SEC63: variants seen among roughly 807,000 people sequenced by gnomAD.
The protein encoded by SEC63 is translocation protein SEC63 homolog.
Under a neutral mutation model 116.2 loss-of-function variants are expected in SEC63, and 56 were observed. The ratio of observed to expected loss-of-function variants is 0.48; its 90% CI spans 0.39 to 0.60. SEC63 has a LOEUF of 0.60. Among genes scored for constraint, SEC63 ranks in the 20% least tolerant of loss-of-function variants. The pLI, the probability that SEC63 is intolerant of heterozygous loss-of-function variation, is 0.00. For synonymous variants in SEC63, 273 were observed against 294.6 expected, an observed-to-expected ratio of 0.93 and a Z score of 0.75; for missense variants, 668 against 900.0, an observed-to-expected ratio of 0.74 and a Z score of 3.30.
chr6:107,922,139 T>C (rs2114477157), intron 3 of SEC63, among the ~76,000 whole-genome samples: 1 of 152,338 alleles, frequency 6.6e-6, no homozygotes, highest in Admixed American at 6.5e-5. Context: ...ACCTACTATG[T>C]GCCACATAGT....
chr6:107,942,936 G>A (rs1184287394), intron 1 of SEC63, among the ~76,000 whole-genome samples: 2 of 152,142 alleles, frequency 1.3e-5, no homozygotes, highest in Non-Finnish European at 2.9e-5. Context: ...ACTTTTTCTG[G>A]TATTATCATG....
intron 16 of SEC63, among the ~76,000 whole-genome samples, chr6:107,887,610 AG>A (rs1217976439): frequency 2.2e-5 from 3 of 138,266 alleles, no homozygotes; most frequent in Non-Finnish European, 4.7e-5. Context: ...GGGTGGGGGA[AG>A]GGGGGAGGGA....
intron 18 of SEC63, among the ~76,000 whole-genome samples, chr6:107,880,728 G>A (rs1311235781): frequency 6.6e-6 from 1 of 152,162 alleles, no homozygotes; most frequent in Non-Finnish European, 1.5e-5. Context: ...CATGTCGCCA[G>A]CAGGATCCTC....
At position 107,869,836 on chromosome 6, in the gene SEC63, T is replaced by G. The variant is rs907715366; in HGVS notation, c.*1868A>C. ...CTAGGTTATCATCCTCTCCAGAATC[T>G]TAAAACCAGAGAAGCCAGCTGTGTG... On this transcript the variant is annotated 3_prime_UTR_variant, in exon 21 of 21. Coordinates refer to ENST00000369002, the MANE Select transcript of SEC63 (RefSeq NM_007214.5). 2.0e-5 allele frequency: 3 copies of G among 149,408 alleles called. No individual in the cohort carries two copies. Among genetic ancestry groups the G allele is most frequent in the Non-Finnish European group, 4.4e-5 (3 of 67,640 alleles). 9.3% of individuals were successfully genotyped at this position (149,408 alleles called of 1,614,324 possible). A position where few individuals can be genotyped will look rare whatever the true frequency, so the allele number is the denominator to read the frequency against.
chr6:107,952,524 G>T (rs750969056), intron 1 of SEC63, among the ~76,000 whole-genome samples: 1 of 152,176 alleles, frequency 6.6e-6, no homozygotes, highest in Non-Finnish European at 1.5e-5. Flanking sequence ...TTGGGAGGCC[G>T]AGGTGGGCAG....
At chr6:107,938,518 T>C (rs1770305133) in intron 1 of SEC63, among the ~76,000 whole-genome samples, 1 of 151,942 alleles carries the variant, frequency 6.6e-6, no homozygotes, top group African/African-American at 2.4e-5. Context: ...GTGCTAGGAT[T>C]ACAGTTGTGA....
intron 13 of SEC63, among the ~76,000 whole-genome samples, chr6:107,898,142 T>C (rs1296722513): frequency 1.3e-5 from 2 of 151,766 alleles, no homozygotes. Context: ...TGCCCGCCTG[T>C]AGTCTCAGCT....
intron 2 of SEC63, among the ~76,000 whole-genome samples, chr6:107,927,525 A>G (rs1787702654): frequency 6.6e-6 from 1 of 152,230 alleles, no homozygotes. Flanking sequence ...AATTGTTACC[A>G]GTATATATTT....
chr6:107,950,272 G>A (rs1684845307), intron 1 of SEC63, among the ~76,000 whole-genome samples: 1 of 152,116 alleles, frequency 6.6e-6, no homozygotes, highest in Non-Finnish European at 1.5e-5. Context: ...TCATCAAAAT[G>A]TACAATGCAA....
intron 1 of SEC63, among the ~76,000 whole-genome samples, chr6:107,946,289 G>C (rs1379392501): frequency 6.6e-6 from 1 of 151,706 alleles, no homozygotes; most frequent in Non-Finnish European, 1.5e-5. Flanking sequence ...CCAGAGTGCA[G>C]TGGCACAATC....
chr6:107,908,765 C>A (rs1209115127), intron 8 of SEC63, among the ~76,000 whole-genome samples, 162 bp downstream of exon 8: 6 of 151,912 alleles, frequency 3.9e-5, no homozygotes, highest in African/African-American at 7.3e-5. Context: ...AGAAATGTGA[C>A]AAAGGGTGCT....
chr6:107,935,219 G>A (rs1770196522), intron 1 of SEC63, among the ~76,000 whole-genome samples: 2 of 151,522 alleles, frequency 1.3e-5, no homozygotes, highest in South Asian at 2.1e-4. Flanking sequence ...GATGAGGGGC[G>A]CCTCTGCCCG....
intron 1 of SEC63, among the ~76,000 whole-genome samples, chr6:107,942,087 A>G (rs887359613): frequency 6.6e-6 from 1 of 152,246 alleles, no homozygotes; most frequent in Non-Finnish European, 1.5e-5. Context: ...AGGTACCACA[A>G]TATACCTACC....
chr6:107,957,834 G>A, intron 1 of SEC63, 52 bp downstream of exon 1: 3 of 1,541,682 alleles, frequency 1.9e-6, no homozygotes, highest in Non-Finnish European at 1.7e-6. Flanking sequence ...CAGGGCCTGG[G>A]GGCGCTGGCG....
intron 1 of SEC63, among the ~76,000 whole-genome samples, chr6:107,941,527 A>G (rs147950883): frequency 6.6e-5 from 10 of 152,224 alleles, no homozygotes; most frequent in Non-Finnish European, 1.3e-4. Context: ...AAGAAGGAAA[A>G]AGAAAGAAAA....
chr6:107,936,391 G>A lies in SEC63; in HGVS notation c.125-6877C>T, dbSNP rs542197305. ...AAAATCTCTGTATGAATGACCTCAA[G>A]TCAAAGTAACTATTATGAGTCAAGT... On this transcript the variant is annotated intron_variant, in intron 1 of 20. Transcript: ENST00000369002. Among the ~76,000 whole-genome samples, 5 of 152,300 alleles carry A rather than the reference G, an allele frequency of 3.3e-5. No homozygotes were observed. The South Asian group carries it at 1.0e-3, about 32-fold the overall frequency.
rs1254238713 is a variant in SEC63 at position 107,869,536 on chromosome 6, C to T, written c.*2168G>A. The T allele has an allele frequency of 1.3e-5, 2 of 152,036 alleles. No individual in the cohort carries two copies. Among genetic ancestry groups the T allele is most frequent in the African/African-American group, 4.8e-5 (2 of 41,412 alleles). 9.4% of individuals were successfully genotyped at this position (152,036 alleles called of 1,614,324 possible). The stretch of plus-strand genomic sequence containing the variant: ...AAGTTTCCATTAGATTAAATGCAAA[C>T]TAGGATAGTTTGTTATTCTCATTCC... On this transcript the variant is annotated 3_prime_UTR_variant, in exon 21 of 21. Coordinates refer to ENST00000369002, the MANE Select transcript of SEC63 (RefSeq NM_007214.5).
intron 1 of SEC63, among the ~76,000 whole-genome samples, chr6:107,948,770 T>C (rs1039944054): frequency 2.6e-5 from 4 of 152,284 alleles, no homozygotes; most frequent in Admixed American, 6.5e-5. Flanking sequence ...AACAACTGCT[T>C]TTCTTCTCCT....
chr6:107,874,595 CAAAAA>C (rs35096526), intron 19 of SEC63, among the ~76,000 whole-genome samples: 4 of 64,604 alleles, frequency 6.2e-5, no homozygotes, highest in Non-Finnish European at 6.2e-5. Context: ...GACTCTGTCT[CAAAAA>C]AAAAAAAAAA....
Sources: gnomAD v4.1 joint callset for allele counts (sites outside exome capture counted in the v4.1 genomes callset) on GRCh38, gnomAD v4.1.1 for gene constraint, MANE v1.5 for transcripts, NCBI Gene and HGNC (gene_info 2026-07-23, HGNC 2026-07-21) for gene names.